Variants in TBC1D16 observed in about 807,000 individuals in gnomAD.
TBC1D16 encodes the protein TBC1 domain family member 16.
In TBC1D16, 58 loss-of-function variants were observed where a neutral mutation model predicts 74.7. The ratio of observed to expected loss-of-function variants is 0.78; its 90% CI spans 0.63 to 0.97. The LOEUF (loss-of-function observed/expected upper bound fraction) is 0.97, where lower values mean the gene tolerates loss of function less well. TBC1D16 is among the 50% of genes least tolerant of loss of function. The pLI, the probability that TBC1D16 is intolerant of heterozygous loss-of-function variation, is 0.00. For missense variants in TBC1D16, 1,014 were observed against 1,079.5 expected (o/e 0.94, Z 0.85); for synonymous variants, 493 against 474.7 (o/e 1.04, Z -0.50).
At chr17:79,947,088 A>G (rs2032604816) in intron 9 of TBC1D16, among the ~76,000 whole-genome samples, 1 of 152,150 alleles carries the variant, frequency 6.6e-6, no homozygotes, top group Non-Finnish European at 1.5e-5. Flanking sequence ...GCTCAGCCCC[A>G]CCACCGACAT....
At chr17:79,991,093 A>C (rs2035041026) in intron 3 of TBC1D16, among the ~76,000 whole-genome samples, 1 of 152,180 alleles carries the variant, frequency 6.6e-6, no homozygotes, top group South Asian at 2.1e-4. Flanking sequence ...TATTTCTGAC[A>C]CTTCTATATA....
rs780989867 is a variant in TBC1D16 at position 80,010,378 on chromosome 17, C to T, written c.561G>A (p.Leu187=). 1.2e-6 allele frequency: 2 copies of T among 1,612,178 alleles called. No individual in the cohort carries two copies. Among genetic ancestry groups the T allele is most frequent in the South Asian group, 1.1e-5 (1 of 90,844 alleles). ...TGACATCCTGCGGACTGACCGTCGA[C>T]AAGATCCCGGAGGGGCTGCAAGCAG... ...SQPACSPSGI[L]STVSPQDVTE... The change falls in exon 3 of 12, where the codon TTG becomes TTA. Residue 187 remains leucine, a synonymous_variant. Coordinates refer to ENST00000310924, the MANE Select transcript of TBC1D16 (RefSeq NM_019020.4). This position sits in a 1 kb window ranked among gnomAD's most constrained non-coding sequence, Gnocchi z 8.8.
In TBC1D16 at chr17:79,988,546, C is replaced by T. The variant is rs1598394425; in HGVS notation, c.779+21614G>A. Among the ~76,000 whole-genome samples, 1 of 152,250 alleles carries T rather than the reference C, an allele frequency of 6.6e-6. No homozygotes were observed. Among genetic ancestry groups the T allele is most frequent in the South Asian group, 2.1e-4 (1 of 4,836 alleles). On this transcript the variant is annotated intron_variant, in intron 3 of 11. Transcript: ENST00000310924. This position sits in a 1 kb window ranked among gnomAD's most constrained non-coding sequence, Gnocchi z 5.7. ...CCAGAGTCCACAGTCGACCACCTCC[C>T]GCTCGGCAAGCCAGGGTCCTGGTGA...
Position 79,933,568 on chromosome 17 carries a change from G to C in TBC1D16, c.*7291C>G, listed in dbSNP as rs2031392628. 1 of 152,252 alleles carries C rather than the reference G, an allele frequency of 6.6e-6. No homozygotes were observed. The highest frequency in any genetic ancestry group is 2.1e-4 in the South Asian group (1 of 4,830). The allele number at this position is 152,252 out of a possible 1,614,324, so 9.4% of individuals were successfully genotyped here. A position where few individuals can be genotyped will look rare whatever the true frequency, so the allele number is the denominator to read the frequency against. On this transcript the variant is annotated 3_prime_UTR_variant, in exon 12 of 12. Coordinates refer to ENST00000310924, the MANE Select transcript of TBC1D16 (RefSeq NM_019020.4). ...GCACTGGACTATGGGGGATCACAAT[G>C]GGTTTCAGTTTGATTGAGAGAAAAT...
intron 1 of TBC1D16, among the ~76,000 whole-genome samples, chr17:80,032,626 G>A (rs1598458652): frequency 6.6e-6 from 1 of 152,318 alleles, no homozygotes; most frequent in East Asian, 1.9e-4. Flanking sequence ...CTGCCGCTGA[G>A]GTGAACGGAA....
At position 79,945,122 on chromosome 17, in the gene TBC1D16, G is replaced by A. The variant is rs77152956; in HGVS notation, c.1729-35C>T. ...AGGCCGTCACGCGTTAGTTAGCTCC[G>A]GTCCCATGCGGCCTGCTGCCCAGGA... On this transcript the variant is annotated intron_variant, in intron 9 of 11. Transcript: ENST00000310924. 7,145 of 1,528,260 alleles carry A rather than the reference G, an allele frequency of 4.7e-3. 311 individuals are homozygous for A. In the East Asian group the frequency reaches 0.12, roughly 25 times the overall value. 94.7% of individuals were successfully genotyped at this position (1,528,260 alleles called of 1,614,324 possible).
At chr17:79,976,734 G>A (rs901263957) in intron 3 of TBC1D16, among the ~76,000 whole-genome samples, 2 of 152,168 alleles carry the variant, frequency 1.3e-5, no homozygotes, top group East Asian at 1.9e-4. Flanking sequence ...TAAGTCCCCC[G>A]AGGCAGGAGC....
Position 80,009,707 on chromosome 17 carries a change from G to C in TBC1D16, c.779+453C>G, listed in dbSNP as rs1007902784. Among the ~76,000 whole-genome samples, 1 of 152,230 alleles carries C rather than the reference G, an allele frequency of 6.6e-6. No homozygotes were observed. The highest frequency in any genetic ancestry group is 2.4e-5 in the African/African-American group (1 of 41,466). ...GGCTGCAGGGCAGAGCGGGGAGCTG[G>C]AGACCAGCACATCTGGGCTTGGGCC... On this transcript the variant is annotated intron_variant, in intron 3 of 11. Coordinates refer to ENST00000310924, the MANE Select transcript of TBC1D16 (RefSeq NM_019020.4). This position sits in a 1 kb window ranked among gnomAD's most constrained non-coding sequence, Gnocchi z 5.4.
At position 80,035,313 on chromosome 17, in the gene TBC1D16, A is replaced by C. The variant is rs1281443069; in HGVS notation, c.-63+482T>G. On this transcript the variant is annotated intron_variant, in intron 1 of 11. Transcript: ENST00000310924. This position sits in a 1 kb window ranked among gnomAD's most constrained non-coding sequence, Gnocchi z 5.3. ...GTGAGTATCCCGACACGCGGATCTT[A>C]AACAGCCCAGACCACCAAGCCCGAC... Among the ~76,000 whole-genome samples, 1 of 151,782 alleles carries C rather than the reference A, an allele frequency of 6.6e-6. No individual in the cohort carries two copies. Among genetic ancestry groups the C allele is most frequent in the African/African-American group, 2.4e-5 (1 of 41,314 alleles).
chr17:79,947,855 T>C (rs768648806), intron 8 of TBC1D16, 24 bp from the exon 9 acceptor site: 2 of 1,603,948 alleles, frequency 1.2e-6, no homozygotes, highest in South Asian at 1.1e-5. Flanking sequence ...GAGACAGCAG[T>C]GGGTGGGGAT....
At position 79,947,795 on chromosome 17, in the gene TBC1D16, G is replaced by C; in HGVS notation, c.1578C>G (p.Ala526=). 2 of 1,613,728 alleles carry C rather than the reference G, an allele frequency of 1.2e-6. No individual in the cohort carries two copies. The highest frequency in any genetic ancestry group is 8.5e-7 in the Non-Finnish European group (1 of 1,180,032). Residue 526 remains alanine (A), a synonymous_variant, in exon 9 of 12, where the codon GCC becomes GCG. Transcript: ENST00000310924. The part of the protein sequence containing the change: ...ILLNYAVYNP[A]VGYSQGMSDL... ...CCGACATCCCTTGGGAATAGCCGAC[G>C]GCAGGGTTGTACACGGCGTAGTTCA... is the stretch of plus-strand genomic sequence containing the variant.
rs532396001 is a variant in TBC1D16, at chr17:80,001,969, G to A, written c.779+8191C>T. ...AGACGGGAAGGGCAAAGTGTGTCCT[G>A]ATTCGTGTGCCACCGCTCACTTCTT... On this transcript the variant is annotated intron_variant, in intron 3 of 11. Transcript: ENST00000310924. The surrounding 1 kb of genome is among the most constrained non-coding windows in gnomAD (Gnocchi z 5.8). 4.8e-4 allele frequency among the ~76,000 whole-genome samples: 73 copies of A among 152,298 alleles called. 1 individual carries two copies. The highest frequency in any genetic ancestry group is 6.8e-3 in the Middle Eastern group (2 of 294).
intron 9 of TBC1D16, 77 bp downstream of exon 9, chr17:79,947,568 G>A (rs563632145): frequency 2.2e-5 from 34 of 1,534,678 alleles, no homozygotes; most frequent in African/African-American, 1.9e-4. Context: ...GCATCACCAC[G>A]GCAACCCCGG....
At chr17:79,965,324 C>T (rs1215421155) in intron 3 of TBC1D16, among the ~76,000 whole-genome samples, 4 of 152,022 alleles carry the variant, frequency 2.6e-5, no homozygotes, top group African/African-American at 4.8e-5. Flanking sequence ...TCAAATGATC[C>T]GCCTGCCTCG....
chr17:80,026,379 T>A (rs921988938), intron 1 of TBC1D16, among the ~76,000 whole-genome samples: 3 of 149,980 alleles, frequency 2.0e-5, no homozygotes, highest in African/African-American at 7.6e-5. Flanking sequence ...GAGCCAAGAT[T>A]GTGCCACTGC....
At chr17:80,013,297 G>T in intron 2 of TBC1D16, 70 bp downstream of exon 2, 7 of 1,442,552 alleles carry the variant, frequency 4.9e-6, no homozygotes, top group Non-Finnish European at 6.5e-6. Flanking sequence ...GTGGCCCAGG[G>T]CCTTTAGAGC....
chr17:79,976,894 C>T (rs1411157004), intron 3 of TBC1D16, among the ~76,000 whole-genome samples: 2 of 152,208 alleles, frequency 1.3e-5, no homozygotes, highest in Non-Finnish European at 2.9e-5. Context: ...CCTCTCATCC[C>T]ATCCTCTCCT....
rs1373078899 is a variant in TBC1D16, at chr17:79,956,749, C to A, written c.780-3931G>T. On this transcript the variant is annotated intron_variant, in intron 3 of 11. Transcript: ENST00000310924. This position sits in a 1 kb window ranked among gnomAD's most constrained non-coding sequence, Gnocchi z 4.0. Reference sequence around the variant, plus strand: ...TTAAAATACCTAAACTGCTAAATTTCCTCTTGCTTTTCTTCATCCTGAGCC... The same window carrying A: ...TTAAAATACCTAAACTGCTAAATTTACTCTTGCTTTTCTTCATCCTGAGCC... Among the ~76,000 whole-genome samples the A allele has an allele frequency of 6.6e-6, 1 of 152,192 alleles. No individual in the cohort carries two copies. The highest frequency in any genetic ancestry group is 1.5e-5 in the Non-Finnish European group (1 of 68,028).
chr17:79,941,014 T>C lies in TBC1D16; in HGVS notation c.2149A>G (p.Ser717Gly). 1 of 1,608,230 alleles carries C rather than the reference T, an allele frequency of 6.2e-7. No homozygotes were observed. Among genetic ancestry groups the C allele is most frequent in the Non-Finnish European group, 8.5e-7 (1 of 1,178,108 alleles). Reference protein sequence around the residue: ...CKLCGSGMWDSGSMPAVECTG... With the variant: ...CKLCGSGMWDGGSMPAVECTG... ...CACTCCACCGCGGGCATGGAGCCGCTGTCCCACATGCCTGACCCGCACAGC... is the reference window on the plus strand; with the variant it reads ...CACTCCACCGCGGGCATGGAGCCGCCGTCCCACATGCCTGACCCGCACAGC... Residue 717 changes from serine to glycine, a missense_variant, in exon 12 of 12, where the codon AGC (serine) becomes GGC (glycine). Transcript: ENST00000310924. This position sits in a 1 kb window ranked among gnomAD's most constrained non-coding sequence, Gnocchi z 4.3.
Sources: gnomAD v4.1 joint callset for allele counts (sites outside exome capture counted in the v4.1 genomes callset) on GRCh38, gnomAD v4.1.1 for gene constraint, Gnocchi (gnomAD v3.1) non-coding constraint, MANE v1.5 for transcripts, NCBI Gene and HGNC (gene_info 2026-07-23, HGNC 2026-07-21) for gene names.